The following PLEKHA5 variants were observed in gnomAD, a reference collection of about 807,000 sequenced individuals.
PLEKHA5 encodes the protein pleckstrin homology domain-containing family A member 5.
PLEKHA5 carries 55 observed loss-of-function variants against 181.9 expected under a neutral mutation model. That is an observed-to-expected ratio of 0.30 (90% CI 0.24 to 0.38). The LOEUF is 0.38. Ranked by LOEUF, PLEKHA5 falls within the 10% of genes least tolerant of loss-of-function variation. The pLI is 1.00. For missense variants in PLEKHA5, 1,432 were observed against 1,549.5 expected, an observed-to-expected ratio of 0.92 and a Z score of 1.27; for synonymous variants, 535 against 529.4, an observed-to-expected ratio of 1.01 and a Z score of -0.15.
chr12:19,184,823 A>G (rs2049440103), intron 3 of PLEKHA5, among the ~76,000 whole-genome samples: 1 of 152,172 alleles, frequency 6.6e-6, no homozygotes, highest in Non-Finnish European at 1.5e-5. Context: ...AAGTGATAAG[A>G]TAGAAAAAGA....
intron 11 of PLEKHA5, among the ~76,000 whole-genome samples, chr12:19,276,103 T>G (rs190809328): frequency 6.6e-6 from 1 of 152,102 alleles, no homozygotes; most frequent in Non-Finnish European, 1.5e-5. Context: ...ATAACATGCA[T>G]ATTATGGCTT....
intron 8 of PLEKHA5, among the ~76,000 whole-genome samples, chr12:19,266,169 A>T (rs529765445): frequency 6.6e-6 from 1 of 152,078 alleles, no homozygotes; most frequent in Non-Finnish European, 1.5e-5. Flanking sequence ...ACGTTACTGT[A>T]TGTTTGAATT....
At chr12:19,363,512 G>C (rs2153252288) in intron 29 of PLEKHA5, among the ~76,000 whole-genome samples, 1 of 145,226 alleles carries the variant, frequency 6.9e-6, no homozygotes, top group Middle Eastern at 3.8e-3. Flanking sequence ...TTTTTTTTGA[G>C]ACAGAGTCTC....
intron 3 of PLEKHA5, among the ~76,000 whole-genome samples, chr12:19,224,678 A>G (rs552827630): frequency 1.3e-5 from 2 of 152,326 alleles, no homozygotes; most frequent in African/African-American, 4.8e-5. Context: ...TTCAGTGACT[A>G]TCTCTGCTTA....
At chr12:19,287,774 A>G (rs1684248807) in intron 13 of PLEKHA5, among the ~76,000 whole-genome samples, 1 of 152,128 alleles carries the variant, frequency 6.6e-6, no homozygotes, top group African/African-American at 2.4e-5. Context: ...GGCCAAATAA[A>G]AGATTATATT....
intron 11 of PLEKHA5, among the ~76,000 whole-genome samples, chr12:19,281,351 CAGATTGCCTGAGCTCAGG>C (rs1224158030): frequency 6.6e-6 from 1 of 151,996 alleles, no homozygotes; most frequent in Non-Finnish European, 1.5e-5. Flanking sequence ...CTGAGGCAGG[CAGATTGCCTGAGCTCAGG>C]AGTTTGAGAT....
chr12:19,280,445 T>C (rs1037985040), intron 11 of PLEKHA5, among the ~76,000 whole-genome samples: 1 of 152,178 alleles, frequency 6.6e-6, no homozygotes, highest in African/African-American at 2.4e-5. Flanking sequence ...GATTCCCAGA[T>C]TATTAAGAGT....
intron 22 of PLEKHA5, 117 bp from the exon 23 acceptor site, chr12:19,345,725 T>C (rs562208374): frequency 5.7e-6 from 3 of 526,494 alleles, no homozygotes; most frequent in East Asian, 7.1e-5. Flanking sequence ...ATCACGCCAC[T>C]ACACTCCAGC....
At chr12:19,320,084 GT>G (rs768628967) in intron 17 of PLEKHA5, 28 bp downstream of exon 17, 2 of 797,894 alleles carry the variant, frequency 2.5e-6, no homozygotes, top group South Asian at 3.5e-5. Context: ...TTATATATAT[GT>G]ATACAATATG....
intron 11 of PLEKHA5, among the ~76,000 whole-genome samples, chr12:19,279,348 G>A (rs896175662): frequency 3.3e-5 from 5 of 151,984 alleles, no homozygotes; most frequent in East Asian, 1.9e-4. Context: ...TATTTAGCCC[G>A]CAAGCTCTTT....
rs750506873 is a variant in PLEKHA5, at chr12:19,130,162, G to T, written c.169+32G>T. Reference sequence around the variant, plus strand: ...CCGGGCCCAAACGGAGTTGGGCTCCGCCTGGAGGAGGCGGCAGAGCCCGGG... The same window carrying T: ...CCGGGCCCAAACGGAGTTGGGCTCCTCCTGGAGGAGGCGGCAGAGCCCGGG... On this transcript the variant is annotated intron_variant, in intron 2 of 31. Coordinates refer to ENST00000429027, the MANE Select transcript of PLEKHA5 (RefSeq NM_001256470.2). This position sits in a 1 kb window ranked among gnomAD's most constrained non-coding sequence, Gnocchi z 4.5. 4.9e-6 allele frequency: 7 copies of T among 1,436,824 alleles called. No homozygotes were observed. The East Asian group carries it at 2.0e-4, about 41-fold the overall frequency. 89.0% of individuals were successfully genotyped at this position (1,436,824 alleles called of 1,614,324 possible). A position where few individuals can be genotyped will look rare whatever the true frequency, so the allele number is the denominator to read the frequency against.
intron 3 of PLEKHA5, among the ~76,000 whole-genome samples, chr12:19,172,939 T>A (rs1038499926): frequency 1.4e-5 from 2 of 148,102 alleles, no homozygotes; most frequent in Admixed American, 1.4e-4. Context: ...GTTTTGCATC[T>A]GAGCAATAGA....
chr12:19,260,744 C>A (rs2068232765), intron 6 of PLEKHA5, among the ~76,000 whole-genome samples: 1 of 152,052 alleles, frequency 6.6e-6, no homozygotes, highest in South Asian at 2.1e-4. Flanking sequence ...CATGTAACCC[C>A]AGCTACTCTG....
intron 3 of PLEKHA5, among the ~76,000 whole-genome samples, chr12:19,141,219 AG>A (rs1156505469): frequency 6.6e-6 from 1 of 152,190 alleles, no homozygotes; most frequent in Non-Finnish European, 1.5e-5. Flanking sequence ...GGTTACGTGC[AG>A]CCCCAAATTA....
At chr12:19,294,384 T>A (rs2079236394) in intron 15 of PLEKHA5, among the ~76,000 whole-genome samples, 1 of 152,202 alleles carries the variant, frequency 6.6e-6, no homozygotes, top group Non-Finnish European at 1.5e-5. Flanking sequence ...GGATTATTGG[T>A]TCCCTGGATT....
In PLEKHA5 at chr12:19,283,625, C is replaced by G. The variant is rs750051184; in HGVS notation, c.1659C>G (p.His553Gln). The change falls in exon 12 of 32, where the codon CAC becomes CAG. Residue 553 changes from histidine to glutamine, a missense_variant. Around this residue, in one of 2 missense-constraint regions of PLEKHA5, gnomAD observed 1,143 missense variants for 1,168.4 expected, o/e 0.98. Coordinates refer to ENST00000429027, the MANE Select transcript of PLEKHA5 (RefSeq NM_001256470.2). Reference sequence around the variant, plus strand: ...ACTCTATTCCCACATCACCTTCCCACGGGTCAATAGCTGCTTATCAGGGAT... The same window carrying G: ...ACTCTATTCCCACATCACCTTCCCAGGGGTCAATAGCTGCTTATCAGGGAT... ...TMHSIPTSPSHGSIAAYQGYS... is the reference protein window; with the variant it reads ...TMHSIPTSPSQGSIAAYQGYS... 2.5e-6 allele frequency: 4 copies of G among 1,613,818 alleles called. No homozygotes were observed. The South Asian group carries it at 3.3e-5, about 13-fold the overall frequency.
chr12:19,323,517 A>G (rs1002724988), intron 20 of PLEKHA5, among the ~76,000 whole-genome samples: 8 of 151,612 alleles, frequency 5.3e-5, no homozygotes, highest in Non-Finnish European at 1.2e-4. Flanking sequence ...CAATCAATCA[A>G]TAGAAATATA....
chr12:19,308,009 G>A (rs1026514191), intron 15 of PLEKHA5, among the ~76,000 whole-genome samples: 1 of 151,838 alleles, frequency 6.6e-6, no homozygotes, highest in Non-Finnish European at 1.5e-5. Flanking sequence ...ATAGGGAAAA[G>A]GACCAGGAAA....
intron 3 of PLEKHA5, among the ~76,000 whole-genome samples, chr12:19,238,542 A>G (rs2061806659): frequency 6.6e-6 from 1 of 152,146 alleles, no homozygotes; most frequent in Non-Finnish European, 1.5e-5. Flanking sequence ...CAATTTAACT[A>G]TACAGAGGAA....
Sources: allele counts gnomAD v4.1 joint callset (sites outside exome capture counted in the v4.1 genomes callset), GRCh38; gene constraint gnomAD v4.1.1; regional missense constraint gnomAD v4.1.1; non-coding constraint Gnocchi (gnomAD v3.1); transcripts MANE v1.5; gene names NCBI Gene and HGNC (gene_info 2026-07-23, HGNC 2026-07-21).